Variants in IL1RAPL1 observed in about 807,000 individuals in gnomAD.
IL1RAPL1 encodes interleukin-1 receptor accessory protein-like 1.
A neutral mutation model predicts 48.4 loss-of-function variants in IL1RAPL1; 3 were observed. The ratio of observed to expected loss-of-function variants is 0.06; its 90% CI spans 0.03 to 0.16. IL1RAPL1 has a LOEUF of 0.16. Ranked by LOEUF, IL1RAPL1 falls within the 10% of genes least tolerant of loss-of-function variation. The probability of loss-of-function intolerance (pLI) is 1.00; values close to 1 mark genes in which losing one functional copy is unlikely to be tolerated. For missense variants in IL1RAPL1, 349 were observed against 530.6 expected (o/e 0.66, Z 3.36); for synonymous variants, 185 against 187.7 (o/e 0.99, Z 0.12).
At position 29,907,040 on chromosome X, in the gene IL1RAPL1, G is replaced by A. The variant is rs61419581; in HGVS notation, c.779-10424G>A. 9.9e-3 allele frequency among the ~76,000 whole-genome samples: 1,099 copies of A among 111,270 alleles called. 10 individuals are homozygous for A. Among genetic ancestry groups the A allele is most frequent in the African/African-American group, 0.033 (1,029 of 30,730 alleles). Reference sequence around the variant, plus strand: ...AGTTAGTGGAAATATGCAAGAAAAAGCAAAGTTAATGGTAGCATTAGTAAT... The same window carrying A: ...AGTTAGTGGAAATATGCAAGAAAAAACAAAGTTAATGGTAGCATTAGTAAT... On this transcript the variant is annotated intron_variant, in intron 6 of 10. Transcript: ENST00000378993.
rs1933294754 is a variant in IL1RAPL1 at position 29,355,889 on chromosome X, C to T, written c.363-40369C>T. On this transcript the variant is annotated intron_variant, in intron 3 of 10. Transcript: ENST00000378993. The stretch of plus-strand genomic sequence containing the variant: ...TCATTAAGTAAACAGTAAAAAAAAA[C>T]ATTTTTTGTTAGGTAAATTTTCAGG... Among the ~76,000 whole-genome samples, 6 of 106,151 alleles carry T rather than the reference C, an allele frequency of 5.7e-5. No individual in the cohort carries two copies. In the South Asian group the frequency reaches 2.4e-3, roughly 42 times the overall value. The allele number at this position is 106,151 out of a possible 115,157, so 92.2% of individuals were successfully genotyped here.
At chrX:29,633,502 C>CACAT (rs1555909296) in intron 5 of IL1RAPL1, among the ~76,000 whole-genome samples, 1 of 104,807 alleles carries the variant, frequency 9.5e-6, no homozygotes, top group African/African-American at 3.7e-5. Context: ...CACACACACA[C>CACAT]ATATATATGA....
chrX:28,721,776 G>A (rs1239147522), intron 1 of IL1RAPL1, among the ~76,000 whole-genome samples: 14 of 110,967 alleles, frequency 1.3e-4, no homozygotes, highest in African/African-American at 4.6e-4. Flanking sequence ...TTTGTATAAG[G>A]TGTAAGGAAG....
intron 5 of IL1RAPL1, among the ~76,000 whole-genome samples, chrX:29,413,585 A>G (rs1213063094): frequency 1.0e-5 from 1 of 99,587 alleles, no homozygotes; most frequent in African/African-American, 3.8e-5. Flanking sequence ...GTTCCCACCT[A>G]TGAGTGAGAA....
chrX:29,685,992 A>G (rs1421457347), intron 6 of IL1RAPL1, among the ~76,000 whole-genome samples: 2 of 111,387 alleles, frequency 1.8e-5, no homozygotes, highest in Non-Finnish European at 1.9e-5. Flanking sequence ...CTCAAAAAAA[A>G]AAAAGAAAGA....
At chrX:29,552,613 T>A (rs1921852347) in intron 5 of IL1RAPL1, among the ~76,000 whole-genome samples, 1 of 111,508 alleles carries the variant, frequency 9.0e-6, no homozygotes, top group African/African-American at 3.3e-5. Flanking sequence ...TCACTCGTTT[T>A]ACCAAATTGA....
chrX:29,124,549 A>G (rs757847881), intron 2 of IL1RAPL1, among the ~76,000 whole-genome samples: 22 of 112,236 alleles, frequency 2.0e-4, no homozygotes, highest in African/African-American at 7.1e-4. Context: ...TACATCCAAC[A>G]AGAAGTCTTG....
intron 7 of IL1RAPL1, among the ~76,000 whole-genome samples, chrX:29,919,555 C>G (rs1477693022): frequency 8.9e-6 from 1 of 112,380 alleles, no homozygotes; most frequent in African/African-American, 3.2e-5. Flanking sequence ...ATTTTCTTTT[C>G]TTTTTTAAAA....
intron 2 of IL1RAPL1, among the ~76,000 whole-genome samples, chrX:28,819,787 G>A (rs1397211582): frequency 9.4e-6 from 1 of 106,214 alleles, no homozygotes; most frequent in Non-Finnish European, 2.0e-5. Flanking sequence ...TCATTATCAG[G>A]TTTTATATAC....
rs147214763 is a variant in IL1RAPL1, at chrX:29,731,851, C to T, written c.778+63347C>T. Among the ~76,000 whole-genome samples the T allele has an allele frequency of 4.1e-3, 454 of 112,015 alleles. 2 individuals carry two copies. Among genetic ancestry groups the T allele is most frequent in the Non-Finnish European group, 6.8e-3 (364 of 53,222 alleles). ...GCAAGGGCTGAGGAAGGAGCCTGAG[C>T]AAGTATAGAAAAGAACTTACCTAAG... On this transcript the variant is annotated intron_variant, in intron 6 of 10. Transcript: ENST00000378993.
intron 2 of IL1RAPL1, among the ~76,000 whole-genome samples, chrX:29,127,016 A>G (rs938815306): frequency 1.8e-5 from 2 of 111,524 alleles, no homozygotes; most frequent in Non-Finnish European, 3.8e-5. Context: ...TGTAAGTCAA[A>G]TGCCTGTTGA....
chrX:29,296,687 G>A (rs1253106409), intron 3 of IL1RAPL1, among the ~76,000 whole-genome samples: 4 of 110,786 alleles, frequency 3.6e-5, no homozygotes, highest in Non-Finnish European at 7.6e-5. Flanking sequence ...ACAACCAATT[G>A]TAGAATTACC....
chrX:29,800,079 A>G (rs1183794155), intron 6 of IL1RAPL1, among the ~76,000 whole-genome samples: 1 of 111,860 alleles, frequency 8.9e-6, no homozygotes, highest in Non-Finnish European at 1.9e-5. Flanking sequence ...CACCCAATGA[A>G]TCTTTACTAA....
At chrX:28,906,998 G>A (rs1923234972) in intron 2 of IL1RAPL1, among the ~76,000 whole-genome samples, 1 of 111,497 alleles carries the variant, frequency 9.0e-6, no homozygotes, top group Non-Finnish European at 1.9e-5. Flanking sequence ...GTGAAAAATA[G>A]CCTTGATGAT....
intron 2 of IL1RAPL1, among the ~76,000 whole-genome samples, chrX:29,162,744 T>C (rs1240383191): frequency 9.0e-6 from 1 of 111,102 alleles, no homozygotes; most frequent in East Asian, 2.8e-4. Context: ...TACACTGTTA[T>C]GTCTACCTTC....
chrX:29,324,766 G>A (rs942317503), intron 3 of IL1RAPL1, among the ~76,000 whole-genome samples: 1 of 111,277 alleles, frequency 9.0e-6, no homozygotes, highest in African/African-American at 3.3e-5. Flanking sequence ...GGGCAGGAGG[G>A]CAGAATTTTG....
intron 2 of IL1RAPL1, among the ~76,000 whole-genome samples, chrX:28,863,020 A>G (rs1351663755): frequency 9.0e-6 from 1 of 110,623 alleles, no homozygotes; most frequent in Non-Finnish European, 1.9e-5. Flanking sequence ...AACTGGGATT[A>G]CAGGCACATG....
At chrX:29,645,816 C>T (rs974722866) in intron 5 of IL1RAPL1, among the ~76,000 whole-genome samples, 4 of 112,036 alleles carry the variant, frequency 3.6e-5, no homozygotes, top group Admixed American at 9.4e-5. Context: ...GCTCAGCAGC[C>T]GCAAATCCAA....
intron 5 of IL1RAPL1, among the ~76,000 whole-genome samples, chrX:29,452,683 G>T (rs1934693130): frequency 9.0e-6 from 1 of 111,137 alleles, no homozygotes; most frequent in Non-Finnish European, 1.9e-5. Context: ...CTATAACAGT[G>T]CCTGGACAAG....
Sources: gnomAD v4.1 joint callset for allele counts (sites outside exome capture counted in the v4.1 genomes callset) on GRCh38, gnomAD v4.1.1 for gene constraint, MANE v1.5 for transcripts, NCBI Gene and HGNC (gene_info 2026-07-23, HGNC 2026-07-21) for gene names.